Variants in FAM171A1 observed in about 807,000 individuals in gnomAD.
The protein encoded by FAM171A1 is family with sequence similarity 171 member A1, also known as protein FAM171A1.
A neutral mutation model predicts 74.9 loss-of-function variants in FAM171A1; 23 were observed. The ratio of observed to expected loss-of-function variants is 0.31; its 90% CI spans 0.22 to 0.44. The LOEUF (loss-of-function observed/expected upper bound fraction) is 0.44, where lower values mean the gene tolerates loss of function less well. Ranked by LOEUF, FAM171A1 falls within the 20% of genes least tolerant of loss-of-function variation. FAM171A1 has a pLI of 1.00. For synonymous variants in FAM171A1, 527 were observed against 505.7 expected (o/e 1.04, Z -0.57); for missense variants, 1,162 against 1,159.2 (o/e 1.00, Z -0.03).
chr10:15,285,173 C>T (rs902188560), intron 1 of FAM171A1, among the ~76,000 whole-genome samples: 6 of 152,114 alleles, frequency 3.9e-5, no homozygotes, highest in Admixed American at 6.5e-5. Context: ...AGGAAAGTAC[C>T]ATGGCTGAGG....
At chr10:15,340,046 G>A (rs1305836193) in intron 1 of FAM171A1, among the ~76,000 whole-genome samples, 1 of 152,164 alleles carries the variant, frequency 6.6e-6, no homozygotes, top group Non-Finnish European at 1.5e-5. Flanking sequence ...CACAACATGT[G>A]GGAATTATGG....
intron 5 of FAM171A1, among the ~76,000 whole-genome samples, chr10:15,227,344 C>T (rs992076742): frequency 6.6e-6 from 1 of 152,004 alleles, no homozygotes; most frequent in African/African-American, 2.4e-5. Context: ...TGTTTTCTTC[C>T]ACACCACACT....
At chr10:15,373,615 GTAC>G (rs1346932325), upstream of FAM171A1, among the ~76,000 whole-genome samples, 1 of 152,164 alleles carries the variant, frequency 6.6e-6, no homozygotes, top group East Asian at 1.9e-4. Flanking sequence ...CATTGACAGT[GTAC>G]TACAGTTATA....
intron 1 of FAM171A1, among the ~76,000 whole-genome samples, chr10:15,305,968 G>T (rs1835289612): frequency 1.3e-5 from 2 of 152,220 alleles, no homozygotes; most frequent in Admixed American, 1.3e-4. Context: ...GGCCTGGACA[G>T]AGCTCTTAGT....
At position 15,341,920 on chromosome 10, in the gene FAM171A1, C is replaced by T. The variant is rs549858121; in HGVS notation, c.97+29036G>A. 1.1e-3 allele frequency among the ~76,000 whole-genome samples: 169 copies of T among 152,328 alleles called. 1 individual carries two copies. Among genetic ancestry groups the T allele is most frequent in the African/African-American group, 3.9e-3 (162 of 41,576 alleles). ...ACCCCGGGCAAACACAGGGCTACGACGGCAGTCTGCCATGGCCTGAATGCT... is the reference window on the plus strand; with the variant it reads ...ACCCCGGGCAAACACAGGGCTACGATGGCAGTCTGCCATGGCCTGAATGCT... On this transcript the variant is annotated intron_variant, in intron 1 of 7. Transcript: ENST00000378116.
intron 1 of FAM171A1, among the ~76,000 whole-genome samples, chr10:15,297,579 T>A (rs950796195): frequency 6.6e-6 from 1 of 152,190 alleles, no homozygotes; most frequent in Non-Finnish European, 1.5e-5. Context: ...AACAGCACCA[T>A]GTTGCCAAGA....
At chr10:15,279,469 C>G (rs1245474303) in intron 2 of FAM171A1, among the ~76,000 whole-genome samples, 1 of 151,828 alleles carries the variant, frequency 6.6e-6, no homozygotes, top group Non-Finnish European at 1.5e-5. Context: ...TTTTTCCCAT[C>G]ACAGAGGGGA....
At chr10:15,330,895 TA>T (rs1835621723) in intron 1 of FAM171A1, among the ~76,000 whole-genome samples, 1 of 149,136 alleles carries the variant, frequency 6.7e-6, no homozygotes. Flanking sequence ...TTTTTTATTT[TA>T]TTTTTTTTTT....
At chr10:15,259,090 C>T (rs1409922477) in intron 3 of FAM171A1, among the ~76,000 whole-genome samples, 1 of 152,190 alleles carries the variant, frequency 6.6e-6, no homozygotes, top group African/African-American at 2.4e-5. Context: ...GTCTCCCCAA[C>T]ACCCAGTTTT....
At chr10:15,335,225 CAG>C (rs1835686708) in intron 1 of FAM171A1, among the ~76,000 whole-genome samples, 1 of 152,164 alleles carries the variant, frequency 6.6e-6, no homozygotes, top group South Asian at 2.1e-4. Flanking sequence ...GCCTGGGCGA[CAG>C]AGTGAGACCC....
intron 6 of FAM171A1, 126 bp downstream of exon 6, chr10:15,220,818 C>T (rs1045117675): frequency 3.4e-5 from 25 of 736,196 alleles, no homozygotes; most frequent in Non-Finnish European, 5.6e-5. Flanking sequence ...CATTTTCAGA[C>T]TTTTAACCAT....
intron 3 of FAM171A1, among the ~76,000 whole-genome samples, chr10:15,257,892 C>T (rs752586718): frequency 9.9e-5 from 15 of 152,054 alleles, no homozygotes; most frequent in Non-Finnish European, 2.1e-4. Context: ...ACTAAAGCCG[C>T]TAAATAGTTC....
chr10:15,374,356 G>A (rs928841598), upstream of FAM171A1, among the ~76,000 whole-genome samples: 1 of 152,148 alleles, frequency 6.6e-6, no homozygotes, highest in African/African-American at 2.4e-5. Context: ...CTCATCACCC[G>A]GGTATTTTCC....
At chr10:15,339,795 G>A (rs968037653) in intron 1 of FAM171A1, among the ~76,000 whole-genome samples, 3 of 151,984 alleles carry the variant, frequency 2.0e-5, no homozygotes, top group African/African-American at 7.3e-5. Flanking sequence ...CCGAGACTGG[G>A]TAATTTATAA....
Position 15,212,446 on chromosome 10 carries a change from T to C in FAM171A1, c.*469A>G, listed in dbSNP as rs971536972. On this transcript the variant is annotated 3_prime_UTR_variant, in exon 8 of 8. Transcript: ENST00000378116. ...AATCAGACAACGAAGCAGCGATGCA[T>C]AGCTTTCCTTTGAGAGAACGCATAC... 6.1e-6 allele frequency: 1 copy of C among 163,324 alleles called. No individual in the cohort carries two copies. The allele number at this position is 163,324 out of a possible 1,614,324, so 10.1% of individuals were successfully genotyped here. A position where few individuals can be genotyped will look rare whatever the true frequency, so the allele number is the denominator to read the frequency against.
At chr10:15,307,646 CAAA>C (rs560861841) in intron 1 of FAM171A1, among the ~76,000 whole-genome samples, 6 of 93,194 alleles carry the variant, frequency 6.4e-5, no homozygotes, top group African/African-American at 1.9e-4. Flanking sequence ...AACTCCATTT[CAAA>C]AAAAAAAAAA....
Position 15,371,165 on chromosome 10 carries a change from G to A in FAM171A1, c.-113C>T. 3.9e-6 allele frequency: 1 copy of A among 258,976 alleles called. No homozygotes were observed. The highest frequency in any genetic ancestry group is 5.9e-6 in the Non-Finnish European group (1 of 169,846). 16.0% of individuals were successfully genotyped at this position (258,976 alleles called of 1,614,324 possible). A position where few individuals can be genotyped will look rare whatever the true frequency, so the allele number is the denominator to read the frequency against. On this transcript the variant is annotated 5_prime_UTR_variant, in exon 1 of 8. Coordinates refer to ENST00000378116, the MANE Select transcript of FAM171A1 (RefSeq NM_001010924.2). ...TCCATGTCGCTGGCTCCGCGCGCCG[G>A]GCCCGCCGCCCGATTGGCCCGGCCC...
Position 15,250,162 on chromosome 10 carries a change from C to A in FAM171A1, c.578-1347G>T, listed in dbSNP as rs79172400. Among the ~76,000 whole-genome samples, 1,055 of 152,262 alleles carry A rather than the reference C, an allele frequency of 6.9e-3. 14 individuals are homozygous for A. Among genetic ancestry groups the A allele is most frequent in the African/African-American group, 0.024 (1,010 of 41,552 alleles). On this transcript the variant is annotated intron_variant, in intron 4 of 7. Transcript: ENST00000378116. ...TTCTACACAGCTAATGCCACCCTAC[C>A]TTTTATCATTCATACCCGTCTGTTT...
chr10:15,232,397 T>C (rs950970131), intron 5 of FAM171A1, among the ~76,000 whole-genome samples: 10 of 152,238 alleles, frequency 6.6e-5, no homozygotes, highest in African/African-American at 2.4e-4. Context: ...CTCCTTCTTC[T>C]AGAACAACAG....
Sources: allele counts gnomAD v4.1 joint callset (sites outside exome capture counted in the v4.1 genomes callset), GRCh38; gene constraint gnomAD v4.1.1; transcripts MANE v1.5; gene names NCBI Gene and HGNC (gene_info 2026-07-23, HGNC 2026-07-21).